The following TTC39C variants were observed in gnomAD, a reference collection of about 807,000 sequenced individuals.
TTC39C encodes tetratricopeptide repeat domain 39C.
Under a neutral mutation model 76.3 loss-of-function variants are expected in TTC39C, and 33 were observed. That is an observed-to-expected ratio of 0.43 (90% CI 0.33 to 0.58). The LOEUF (loss-of-function observed/expected upper bound fraction) is 0.58. Among genes scored for constraint, TTC39C ranks in the 20% least tolerant of loss-of-function variants. The probability of loss-of-function intolerance (pLI) is 0.04; values close to 1 mark genes in which losing one functional copy is unlikely to be tolerated. For synonymous variants in TTC39C, 254 were observed against 260.6 expected, an observed-to-expected ratio of 0.97 and a Z score of 0.24; for missense variants, 595 against 701.4, an observed-to-expected ratio of 0.85 and a Z score of 1.71.
chr18:24,065,873 AT>A lies in TTC39C; in HGVS notation c.217-137del, dbSNP rs2084159495. On this transcript the variant is annotated intron_variant, in intron 2 of 13. Coordinates refer to ENST00000317571, the MANE Select transcript of TTC39C (RefSeq NM_001135993.2). ...GATTACAGTTTCTTTGAATGAATAGATTATGCTGTAACATTGTGATTCTTTT... is the reference window on the plus strand; with the variant it reads ...GATTACAGTTTCTTTGAATGAATAGATATGCTGTAACATTGTGATTCTTTT... 9.4e-6 allele frequency: 8 copies of A among 850,820 alleles called. No homozygotes were observed. The South Asian group carries it at 1.3e-4, about 14-fold the overall frequency. The allele number at this position is 850,820 out of a possible 1,614,324, so 52.7% of individuals were successfully genotyped here. A position where few individuals can be genotyped will look rare whatever the true frequency, so the allele number is the denominator to read the frequency against.
At chr18:24,023,323 G>A (rs143257512) in intron 1 of TTC39C, among the ~76,000 whole-genome samples, 4 of 152,218 alleles carry the variant, frequency 2.6e-5, no homozygotes, top group Middle Eastern at 3.4e-3. Flanking sequence ...GCCTTGGAAC[G>A]TCCAGGCTGC....
intron 1 of TTC39C, among the ~76,000 whole-genome samples, chr18:24,028,527 T>G (rs1207024815): frequency 6.6e-6 from 1 of 152,228 alleles, no homozygotes; most frequent in Non-Finnish European, 1.5e-5. Flanking sequence ...AATGAAATTT[T>G]CTTGACCTAT....
chr18:24,004,682 A>G (rs1009144514), intron 1 of TTC39C, among the ~76,000 whole-genome samples: 2 of 152,224 alleles, frequency 1.3e-5, no homozygotes, highest in Non-Finnish European at 2.9e-5. Context: ...TGAGTTTAAT[A>G]TAATAATACA....
intron 1 of TTC39C, among the ~76,000 whole-genome samples, chr18:24,047,609 C>T (rs948966958): frequency 2.6e-5 from 4 of 152,198 alleles, no homozygotes; most frequent in Admixed American, 1.3e-4. Flanking sequence ...CTGCCTTCCT[C>T]CCTCCCTTTA....
chr18:24,029,014 C>T (rs767134844), intron 1 of TTC39C, among the ~76,000 whole-genome samples: 4 of 152,150 alleles, frequency 2.6e-5, no homozygotes, highest in South Asian at 2.1e-4. Flanking sequence ...TGGGCCACCG[C>T]GCCCCTACGT....
At chr18:24,014,098 G>A (rs1387717416), upstream of TTC39C, among the ~76,000 whole-genome samples, 1 of 152,228 alleles carries the variant, frequency 6.6e-6, no homozygotes, top group Admixed American at 6.5e-5. Context: ...GGGGCTCCGG[G>A]GAGCTGCGGG....
intron 6 of TTC39C, among the ~76,000 whole-genome samples, chr18:24,098,149 A>T (rs1431845507): frequency 6.6e-6 from 1 of 152,136 alleles, no homozygotes; most frequent in Non-Finnish European, 1.5e-5. Context: ...TGGGAAATTT[A>T]AATTGATACT....
At chr18:24,130,235 C>A in intron 11 of TTC39C, 78 bp from the exon 12 acceptor site, 1 of 675,968 alleles carries the variant, frequency 1.5e-6, no homozygotes. Context: ...CCCCTTCCCG[C>A]CCCCTCTTGA....
intron 4 of TTC39C, among the ~76,000 whole-genome samples, chr18:24,075,445 AG>A (rs907618057): frequency 2.0e-5 from 3 of 152,036 alleles, no homozygotes; most frequent in African/African-American, 7.2e-5. Context: ...GCACTTTGGG[AG>A]GCCGAAGTGG....
At chr18:24,013,906 A>C (rs1312049948), upstream of TTC39C, among the ~76,000 whole-genome samples, 2 of 152,244 alleles carry the variant, frequency 1.3e-5, no homozygotes, top group Non-Finnish European at 2.9e-5. Flanking sequence ...AAGCTTTGCA[A>C]GAATAATTGG....
chr18:24,104,695 T>C (rs200262388), intron 6 of TTC39C, among the ~76,000 whole-genome samples: 3,432 of 146,058 alleles, frequency 0.023, 174 homozygotes, highest in East Asian at 0.22. Context: ...TGTTTGTGTG[T>C]GTGTGTGTGT....
chr18:24,109,176 CAAAAAAAA>C (rs35872928), intron 6 of TTC39C, among the ~76,000 whole-genome samples: 4 of 73,898 alleles, frequency 5.4e-5, no homozygotes, highest in Non-Finnish European at 9.8e-5. Context: ...CCCGTCTCTA[CAAAAAAAA>C]AAAAAAAAAA....
chr18:24,062,798 A>C (rs2084116190), intron 1 of TTC39C, among the ~76,000 whole-genome samples: 1 of 152,236 alleles, frequency 6.6e-6, no homozygotes, highest in South Asian at 2.1e-4. Context: ...GTGTACCAGG[A>C]GAAAAATGAA....
upstream of TTC39C, among the ~76,000 whole-genome samples, chr18:24,010,515 G>T (rs1212056127): frequency 6.6e-6 from 1 of 152,202 alleles, no homozygotes; most frequent in Non-Finnish European, 1.5e-5. Flanking sequence ...TTCACCTTCA[G>T]TAGAAGAGCT....
At chr18:24,112,053 C>T (rs896024093) in intron 6 of TTC39C, among the ~76,000 whole-genome samples, 2 of 152,118 alleles carry the variant, frequency 1.3e-5, no homozygotes, top group Admixed American at 6.5e-5. Flanking sequence ...CGGCATAATG[C>T]CATTGAGCTC....
chr18:24,117,692 A>G (rs1463131354), intron 7 of TTC39C, among the ~76,000 whole-genome samples: 1 of 146,474 alleles, frequency 6.8e-6, no homozygotes, highest in African/African-American at 2.6e-5. Context: ...ACAGAGCAAG[A>G]CTCCTTCTCA....
intron 4 of TTC39C, among the ~76,000 whole-genome samples, chr18:24,078,884 A>G (rs2084340667): frequency 6.6e-6 from 1 of 152,220 alleles, no homozygotes; most frequent in Non-Finnish European, 1.5e-5. Flanking sequence ...CCAAGCTTCC[A>G]TTCCAGCCAA....
chr18:24,044,689 GA>G lies in TTC39C; in HGVS notation c.168-19449del. Among the ~76,000 whole-genome samples the G allele has an allele frequency of 1.3e-5, 2 of 152,326 alleles. 1 individual carries two copies. Among genetic ancestry groups the G allele is most frequent in the South Asian group, 4.1e-4 (2 of 4,832 alleles). ...GGGGCCATCCACTGGAATGGAAAAC[GA>G]AGACGTACCTGTGGGGAAAGGATCT... On this transcript the variant is annotated intron_variant, in intron 1 of 13. Coordinates refer to ENST00000317571, the MANE Select transcript of TTC39C (RefSeq NM_001135993.2).
chr18:24,075,684 CAAA>C (rs371486318), intron 4 of TTC39C, among the ~76,000 whole-genome samples: 1 of 64,260 alleles, frequency 1.6e-5, no homozygotes, highest in Non-Finnish European at 3.8e-5. Flanking sequence ...GACCTTGTCT[CAAA>C]AAAAAAAAAA....
Sources: allele counts gnomAD v4.1 joint callset (sites outside exome capture counted in the v4.1 genomes callset), GRCh38; gene constraint gnomAD v4.1.1; transcripts MANE v1.5; gene names NCBI Gene and HGNC (gene_info 2026-07-23, HGNC 2026-07-21).